TFPI: variants seen among roughly 807,000 people sequenced by gnomAD.
TFPI encodes the protein anti-convertin.
TFPI carries 15 observed loss-of-function variants against 34.6 expected under a neutral mutation model. The ratio of observed to expected loss-of-function variants is 0.43; its 90% CI spans 0.29 to 0.67. The LOEUF (loss-of-function observed/expected upper bound fraction) is 0.67, where lower values mean the gene tolerates loss of function less well. TFPI is among the 30% of genes least tolerant of loss of function. TFPI has a pLI of 0.15. For missense variants in TFPI, 301 were observed against 364.0 expected (o/e 0.83, Z 1.41); for synonymous variants, 105 against 120.1 (o/e 0.87, Z 0.82).
Position 187,519,976 on chromosome 2 carries a change from G to T in TFPI, c.-2-16206C>A, listed in dbSNP as rs1370760577. ...GGGAAAACCAGCTACTCAAGCCTCA[G>T]TAATGGTGGACGCCCCTCCCCCTAC... On this transcript the variant is annotated intron_variant, in intron 1 of 7. Coordinates refer to ENST00000233156, the MANE Select transcript of TFPI (RefSeq NM_006287.6). 2.0e-5 allele frequency: 3 copies of T among 152,358 alleles called. No homozygotes were observed. In the East Asian group the frequency reaches 5.8e-4, roughly 30 times the overall value. The allele number at this position is 152,358 out of a possible 1,614,324, so 9.4% of individuals were successfully genotyped here. A position where few individuals can be genotyped will look rare whatever the true frequency, so the allele number is the denominator to read the frequency against.
intron 4 of TFPI, 79 bp from the exon 5 acceptor site, chr2:187,485,066 C>T: frequency 1.8e-6 from 2 of 1,131,754 alleles, no homozygotes; most frequent in Admixed American, 7.8e-5. Context: ...TTATAAATAC[C>T]TGGCTAAGTT....
At chr2:187,542,407 T>C (rs1257450158) in intron 1 of TFPI, among the ~76,000 whole-genome samples, 1 of 151,760 alleles carries the variant, frequency 6.6e-6, no homozygotes, top group Non-Finnish European at 1.5e-5. Context: ...AGAAAGTTGC[T>C]GAAGAGCAGA....
intron 2 of TFPI, among the ~76,000 whole-genome samples, chr2:187,498,569 T>G (rs994836987): frequency 3.3e-5 from 5 of 151,894 alleles, no homozygotes; most frequent in African/African-American, 9.7e-5. Context: ...TGCTGTTTGA[T>G]TCATGTGACA....
At chr2:187,550,741 C>G (rs1689066666) in intron 1 of TFPI, among the ~76,000 whole-genome samples, 1 of 152,030 alleles carries the variant, frequency 6.6e-6, no homozygotes, top group Admixed American at 6.6e-5. Flanking sequence ...CATTGTGATT[C>G]ATTTTCTGAG....
chr2:187,527,121 TAATACC>T (rs1559146225), intron 1 of TFPI: 1 of 152,194 alleles, frequency 6.6e-6, no homozygotes, highest in African/African-American at 2.4e-5. Flanking sequence ...TACAGCACAC[TAATACC>T]AAAGAAAATG....
chr2:187,503,602 G>C, intron 2 of TFPI, 46 bp downstream of exon 2: 1 of 1,576,298 alleles, frequency 6.3e-7, no homozygotes, highest in Non-Finnish European at 8.6e-7. Context: ...GATTAAAATT[G>C]AGAGCTTTAA....
At chr2:187,503,560 C>T in intron 2 of TFPI, 88 bp downstream of exon 2, 2 of 1,491,338 alleles carry the variant, frequency 1.3e-6, no homozygotes, top group Non-Finnish European at 1.8e-6. Context: ...ACTAATTTCC[C>T]TCCACAATGG....
rs13392310 is a variant in TFPI, at chr2:187,466,457, A to T, written c.*479T>A. On this transcript the variant is annotated 3_prime_UTR_variant, in exon 8 of 8. Coordinates refer to ENST00000233156, the MANE Select transcript of TFPI (RefSeq NM_006287.6). ...TAGAATTCTATTATTACAATAGAAT[A>T]CTATAAATACAAAATTGGATAAACT... The T allele has an allele frequency of 0.37, 56,438 of 152,980 alleles. 10,747 individuals are homozygous for T. Among genetic ancestry groups the T allele is most frequent in the Middle Eastern group, 0.45 (135 of 298 alleles). The allele number at this position is 152,980 out of a possible 1,614,324, so 9.5% of individuals were successfully genotyped here.
At chr2:187,486,109 C>G (rs1164105275) in intron 4 of TFPI, among the ~76,000 whole-genome samples, 1 of 151,598 alleles carries the variant, frequency 6.6e-6, no homozygotes. Context: ...TTTTCTGTAA[C>G]TTTTCAATGT....
At chr2:187,528,620 A>G (rs1029128267) in intron 1 of TFPI, among the ~76,000 whole-genome samples, 6 of 152,182 alleles carry the variant, frequency 3.9e-5, no homozygotes, top group African/African-American at 7.2e-5. Flanking sequence ...CCTTCTAATT[A>G]TAACAATCAT....
At chr2:187,541,987 CCTT>C (rs1688606054) in intron 1 of TFPI, among the ~76,000 whole-genome samples, 1 of 152,064 alleles carries the variant, frequency 6.6e-6, no homozygotes, top group African/African-American at 2.4e-5. Context: ...TCACAAGTAA[CCTT>C]CTAAAATATT....
chr2:187,509,120 C>T (rs1216579207), intron 1 of TFPI, among the ~76,000 whole-genome samples: 1 of 152,114 alleles, frequency 6.6e-6, no homozygotes, highest in African/African-American at 2.4e-5. Flanking sequence ...GTATGTTGAA[C>T]CAGGGTTGCA....
intron 1 of TFPI, among the ~76,000 whole-genome samples, chr2:187,531,068 C>A (rs1015699881): frequency 3.3e-5 from 5 of 152,096 alleles, no homozygotes; most frequent in Admixed American, 2.6e-4. Context: ...AATGTATTCT[C>A]AAAACTTCTA....
intron 1 of TFPI, among the ~76,000 whole-genome samples, chr2:187,549,783 GT>G (rs1224807793): frequency 6.6e-6 from 1 of 151,638 alleles, no homozygotes; most frequent in South Asian, 2.1e-4. Context: ...TTCATCTTTT[GT>G]TTTTTAAGGT....
intron 1 of TFPI, among the ~76,000 whole-genome samples, chr2:187,508,600 G>T (rs1380371968): frequency 6.6e-6 from 1 of 151,962 alleles, no homozygotes; most frequent in Non-Finnish European, 1.5e-5. Flanking sequence ...TCATGATTTT[G>T]CTCTCTGTTT....
chr2:187,537,238 C>A (rs1020583955), intron 1 of TFPI, among the ~76,000 whole-genome samples: 1 of 152,176 alleles, frequency 6.6e-6, no homozygotes, highest in African/African-American at 2.4e-5. Flanking sequence ...AAGCAAACTA[C>A]TTTAAATTTC....
intron 6 of TFPI, among the ~76,000 whole-genome samples, chr2:187,475,667 T>G (rs1163989350): frequency 1.3e-5 from 2 of 152,188 alleles, no homozygotes; most frequent in African/African-American, 4.8e-5. Flanking sequence ...GTGATCTTTT[T>G]TTCAAGGCCA....
rs1691797723 is a variant in TFPI, at chr2:187,467,767, C to T, written c.794G>A (p.Arg265Lys). ...NNFTSKQECLRACKKGFIQRI... is the reference protein window; with the variant it reads ...NNFTSKQECLKACKKGFIQRI... ...ATCTTCTATACCTTTTTTACATGCC[C>T]TCAGACATTCTTGTTTGGAAGTAAA... Residue 265 changes from arginine to lysine, a missense_variant, in exon 7 of 8, where the codon AGG (arginine) becomes AAG (lysine). Transcript: ENST00000233156. The T allele has an allele frequency of 6.2e-7, 1 of 1,607,148 alleles. No homozygotes were observed. Among genetic ancestry groups the T allele is most frequent in the African/African-American group, 1.3e-5 (1 of 74,638 alleles).
intron 1 of TFPI, among the ~76,000 whole-genome samples, chr2:187,552,722 C>G (rs1241504184): frequency 6.6e-6 from 1 of 151,870 alleles, no homozygotes; most frequent in Admixed American, 6.6e-5. Context: ...CAAAACAAAA[C>G]AAAAACTTGT....
Sources: allele counts gnomAD v4.1 joint callset (sites outside exome capture counted in the v4.1 genomes callset), GRCh38; gene constraint gnomAD v4.1.1; transcripts MANE v1.5; gene names NCBI Gene and HGNC (gene_info 2026-07-23, HGNC 2026-07-21).